The following CALN1 variants were observed in gnomAD, a reference collection of about 807,000 sequenced individuals.
CALN1 encodes the protein calneuron 1.
In CALN1, 17 loss-of-function variants were observed where a neutral mutation model predicts 30.6. That is an observed-to-expected ratio of 0.56 (90% CI 0.38 to 0.83). The LOEUF is 0.83. Among genes scored for constraint, CALN1 ranks in the 40% least tolerant of loss-of-function variants. CALN1 has a pLI of 0.00. For synonymous variants in CALN1, 156 were observed against 131.4 expected, an observed-to-expected ratio of 1.19 and a Z score of -1.28; for missense variants, 291 against 354.9, an observed-to-expected ratio of 0.82 and a Z score of 1.45.
chr7:72,394,113 C>T (rs905232440), intron 2 of CALN1, among the ~76,000 whole-genome samples: 3 of 152,076 alleles, frequency 2.0e-5, no homozygotes, highest in Non-Finnish European at 4.4e-5. Flanking sequence ...TGGTGGAGTG[C>T]AGAATTTACA....
intron 1 of CALN1, among the ~76,000 whole-genome samples, chr7:72,409,667 G>C (rs1033347350): frequency 3.9e-5 from 6 of 152,024 alleles, no homozygotes; most frequent in African/African-American, 1.4e-4. Flanking sequence ...CTAATGTTTG[G>C]GAATGGAGAG....
At chr7:71,908,383 T>C (rs1198521920) in intron 5 of CALN1, among the ~76,000 whole-genome samples, 3 of 152,194 alleles carry the variant, frequency 2.0e-5, no homozygotes, top group Non-Finnish European at 4.4e-5. Flanking sequence ...ACCTGGAGTT[T>C]GGTCAAGGAA....
At chr7:72,226,684 A>G (rs1320035931) in intron 3 of CALN1, among the ~76,000 whole-genome samples, 3 of 152,226 alleles carry the variant, frequency 2.0e-5, no homozygotes, top group Admixed American at 2.0e-4. Flanking sequence ...TGATGCAGAA[A>G]CAAAATCAAA....
rs139386186 is a variant in CALN1 at position 71,912,492 on chromosome 7, G to A, written c.502-102000C>T. On this transcript the variant is annotated intron_variant, in intron 5 of 6. Coordinates refer to ENST00000395275, the MANE Select transcript of CALN1 (RefSeq NM_031468.4). ...CAGAAACCGGCCACACACACAATTCGTGCATGTTTGTGTTTAGTACCAGAA... is the reference window on the plus strand; with the variant it reads ...CAGAAACCGGCCACACACACAATTCATGCATGTTTGTGTTTAGTACCAGAA... 3.5e-4 allele frequency among the ~76,000 whole-genome samples: 53 copies of A among 152,216 alleles called. No individual in the cohort carries two copies. The East Asian group carries it at 0.01, about 29-fold the overall frequency.
intron 5 of CALN1, among the ~76,000 whole-genome samples, chr7:71,827,470 A>T (rs1439929836): frequency 6.6e-6 from 1 of 152,120 alleles, no homozygotes; most frequent in Non-Finnish European, 1.5e-5. Context: ...GTAGGCAAAG[A>T]TAAGAAACAA....
chr7:72,179,100 A>T (rs571511383), intron 3 of CALN1, among the ~76,000 whole-genome samples: 1 of 148,904 alleles, frequency 6.7e-6, no homozygotes, highest in African/African-American at 2.4e-5. Context: ...AGTTGAACTC[A>T]TATCTCACAC....
At chr7:71,829,098 C>T (rs1037996202) in intron 5 of CALN1, among the ~76,000 whole-genome samples, 17 of 152,188 alleles carry the variant, frequency 1.1e-4, no homozygotes, top group African/African-American at 4.1e-4. Context: ...CAAGCTGTGC[C>T]CCAACCACCT....
intron 2 of CALN1, among the ~76,000 whole-genome samples, chr7:72,301,995 G>C (rs1281205907): frequency 6.6e-6 from 1 of 152,016 alleles, no homozygotes; most frequent in Non-Finnish European, 1.5e-5. Context: ...AAGAGACCTT[G>C]GAAGAATTTT....
rs181939110 is a variant in CALN1, at chr7:71,976,828, C to A, written c.501+46829G>T. ...CTGGCTGGAGTTTGCACAGAAGGAG[C>A]CTGCTGATGTCACAACCTGAATTTC... On this transcript the variant is annotated intron_variant, in intron 5 of 6. Coordinates refer to ENST00000395275, the MANE Select transcript of CALN1 (RefSeq NM_031468.4). 4.4e-3 allele frequency among the ~76,000 whole-genome samples: 668 copies of A among 152,280 alleles called. 9 individuals are homozygous for A. The highest frequency in any genetic ancestry group is 0.015 in the African/African-American group (644 of 41,558).
intron 1 of CALN1, among the ~76,000 whole-genome samples, chr7:72,407,953 G>A (rs904178931): frequency 1.3e-5 from 2 of 152,092 alleles, no homozygotes; most frequent in Non-Finnish European, 2.9e-5. Flanking sequence ...GGATCAGCTT[G>A]TTCCTGAGAG....
intron 3 of CALN1, among the ~76,000 whole-genome samples, chr7:72,228,416 T>C (rs1204077584): frequency 3.3e-5 from 5 of 151,910 alleles, no homozygotes; most frequent in Admixed American, 6.6e-5. Flanking sequence ...AAATGTGTTC[T>C]AAAACTGAAT....
intron 3 of CALN1, among the ~76,000 whole-genome samples, chr7:72,211,610 C>T (rs561871773): frequency 5.3e-5 from 8 of 152,230 alleles, no homozygotes; most frequent in African/African-American, 1.2e-4. Context: ...ACCTAGAGCA[C>T]GAAAAACAAG....
At position 71,944,337 on chromosome 7, in the gene CALN1, G is replaced by A. The variant is rs367884093; in HGVS notation, c.501+79320C>T. On this transcript the variant is annotated intron_variant, in intron 5 of 6. Coordinates refer to ENST00000395275, the MANE Select transcript of CALN1 (RefSeq NM_031468.4). The stretch of plus-strand genomic sequence containing the variant: ...TGGCTGGGCGTGGTGGCTCACACCT[G>A]TAATCCCAGCACTTTGGGAGGCTGA... 5.9e-5 allele frequency among the ~76,000 whole-genome samples: 9 copies of A among 152,130 alleles called. No homozygotes were observed. In the East Asian group the frequency reaches 1.5e-3, roughly 26 times the overall value.
At chr7:71,959,886 C>A (rs1797150258) in intron 5 of CALN1, among the ~76,000 whole-genome samples, 1 of 152,114 alleles carries the variant, frequency 6.6e-6, no homozygotes, top group African/African-American at 2.4e-5. Flanking sequence ...GTAATCCCAG[C>A]ACTTTGGGAG....
intron 5 of CALN1, among the ~76,000 whole-genome samples, chr7:71,892,873 C>G (rs774490488): frequency 7.9e-5 from 12 of 152,004 alleles, no homozygotes; most frequent in Admixed American, 5.9e-4. Context: ...TAATAAATGA[C>G]GTGAGAACCA....
chr7:72,454,347 G>A, the CALN1 span, among the ~76,000 whole-genome samples: 1 of 152,182 alleles, frequency 6.6e-6, no homozygotes, highest in African/African-American at 2.4e-5. Flanking sequence ...CTGGAGAGCA[G>A]GCTTGATCAG....
At chr7:72,102,312 G>A (rs1285758902) in intron 4 of CALN1, among the ~76,000 whole-genome samples, 1 of 152,044 alleles carries the variant, frequency 6.6e-6, no homozygotes, top group African/African-American at 2.4e-5. Flanking sequence ...GGGCGTGGTG[G>A]CGCACGTCTG....
At chr7:72,247,349 G>T (rs1043528081) in intron 3 of CALN1, among the ~76,000 whole-genome samples, 1 of 139,356 alleles carries the variant, frequency 7.2e-6, no homozygotes, top group African/African-American at 2.7e-5. Context: ...CCCGGTTCAC[G>T]CCATTCTCCT....
At chr7:71,975,180 A>G (rs1272832791) in intron 5 of CALN1, among the ~76,000 whole-genome samples, 2 of 152,196 alleles carry the variant, frequency 1.3e-5, no homozygotes. Context: ...GTCCTGCAAC[A>G]GAGGCACATT....
Sources: gnomAD v4.1 joint callset for allele counts (sites outside exome capture counted in the v4.1 genomes callset) on GRCh38, gnomAD v4.1.1 for gene constraint, MANE v1.5 for transcripts, NCBI Gene and HGNC (gene_info 2026-07-23, HGNC 2026-07-21) for gene names.